TRDMT1: variants seen among roughly 807,000 people sequenced by gnomAD.
TRDMT1 encodes the protein tRNA (cytosine(38)-C(5))-methyltransferase.
In TRDMT1, 49 loss-of-function variants were observed where a neutral mutation model predicts 51.2. The ratio of observed to expected loss-of-function variants is 0.96; its 90% confidence interval spans 0.76 to 1.21. The LOEUF (loss-of-function observed/expected upper bound fraction) is 1.21. Among genes scored for constraint, TRDMT1 ranks in the 50% most tolerant of loss-of-function variants. The pLI is 0.00. For missense variants in TRDMT1, 534 were observed against 462.3 expected, an observed-to-expected ratio of 1.16 and a Z score of -1.42; for synonymous variants, 187 against 164.6, an observed-to-expected ratio of 1.14 and a Z score of -1.04.
At chr10:17,190,674 G>A (rs1252812504) in intron 1 of TRDMT1, among the ~76,000 whole-genome samples, 1 of 152,134 alleles carries the variant, frequency 6.6e-6, no homozygotes, top group Middle Eastern at 3.2e-3. Context: ...TCATGATTCA[G>A]ACTTAATACT....
At chr10:17,168,540 G>A (rs958260678) in intron 3 of TRDMT1, among the ~76,000 whole-genome samples, 2 of 152,126 alleles carry the variant, frequency 1.3e-5, no homozygotes, top group African/African-American at 2.4e-5. Context: ...GACGGACCCG[G>A]TGGGAGGTAA....
intron 1 of TRDMT1, among the ~76,000 whole-genome samples, chr10:17,178,157 C>A (rs1842844610): frequency 6.6e-6 from 1 of 152,046 alleles, no homozygotes; most frequent in Non-Finnish European, 1.5e-5. Flanking sequence ...CTGAATTACT[C>A]ATTATACTCA....
intron 1 of TRDMT1, among the ~76,000 whole-genome samples, chr10:17,191,740 G>A (rs1399283998): frequency 6.6e-6 from 1 of 152,144 alleles, no homozygotes; most frequent in Non-Finnish European, 1.5e-5. Flanking sequence ...TGCGGGAGGA[G>A]GGAGAGAGTG....
At chr10:17,170,306 A>G (rs887131894) in intron 2 of TRDMT1, among the ~76,000 whole-genome samples, 3 of 152,220 alleles carry the variant, frequency 2.0e-5, no homozygotes, top group African/African-American at 4.8e-5. Context: ...TTCTAGGTCA[A>G]TGAAAGTGTA....
intron 5 of TRDMT1, among the ~76,000 whole-genome samples, chr10:17,160,767 G>A (rs890225105): frequency 2.6e-5 from 4 of 152,066 alleles, no homozygotes; most frequent in African/African-American, 4.8e-5. Context: ...CACCGCGCCC[G>A]GCCCACAAAA....
Position 17,157,745 on chromosome 10 carries a change from G to C in TRDMT1, c.583C>G (p.Gln195Glu). The part of the protein sequence containing the change: ...EFPKIESVHP[Q>E]KYAMDVENKI... ...TTTTCTACATCCATTGCATATTTTT[G>C]TGGATGTACAGATTCAATTTTGGGG... The change falls in exon 8 of 11, where the codon CAA becomes GAA. Residue 195 changes from glutamine (Q) to glutamate (E), a missense_variant. By Grantham distance (29) the Gln-to-Glu change is conservative (BLOSUM62 2). Transcript: ENST00000377799. 6.2e-7 allele frequency: 1 copy of C among 1,607,628 alleles called. No individual in the cohort carries two copies. The highest frequency in any genetic ancestry group is 1.3e-5 in the African/African-American group (1 of 74,738).
At chr10:17,158,326 T>A (rs774509654) in intron 7 of TRDMT1, among the ~76,000 whole-genome samples, 3 of 152,144 alleles carry the variant, frequency 2.0e-5, no homozygotes, top group Non-Finnish European at 4.4e-5. Context: ...AGTCCTATTT[T>A]GTAAAAGGAA....
chr10:17,154,669 C>T lies in TRDMT1; in HGVS notation c.945+8G>A. On this transcript the variant is annotated splice_region_variant and intron_variant, in intron 9 of 10. Coordinates refer to ENST00000377799, the MANE Select transcript of TRDMT1 (RefSeq NM_004412.7). ...TAAAGTGTTTTAGCTTTAAAACATG[C>T]ATAGTACCTGCACATCCTCTGCAGT... 6.3e-7 allele frequency: 1 copy of T among 1,579,560 alleles called. No individual in the cohort carries two copies. Among genetic ancestry groups the T allele is most frequent in the Non-Finnish European group, 8.6e-7 (1 of 1,165,712 alleles).
chr10:17,138,134 C>T lies in TRDMT1; in HGVS notation c.*10906G>A, dbSNP rs1309349766. On this transcript the variant is annotated 3_prime_UTR_variant, in exon 11 of 11. Transcript: ENST00000377799. ...TGGACAAATTGGCAAGATTCTCACA[C>T]CCCTAATGCTAGCTCCCATTACATG... Among the ~76,000 whole-genome samples, 4 of 152,158 alleles carry T rather than the reference C, an allele frequency of 2.6e-5. No individual in the cohort carries two copies. Among genetic ancestry groups the T allele is most frequent in the Non-Finnish European group, 5.9e-5 (4 of 68,028 alleles).
intron 1 of TRDMT1, among the ~76,000 whole-genome samples, chr10:17,195,582 G>A (rs1428713851): frequency 6.6e-6 from 1 of 151,068 alleles, no homozygotes; most frequent in Non-Finnish European, 1.5e-5. Flanking sequence ...ACTTGCACAT[G>A]TACCCCTTGA....
intron 1 of TRDMT1, among the ~76,000 whole-genome samples, chr10:17,190,491 T>A (rs1379737213): frequency 6.6e-6 from 1 of 151,010 alleles, no homozygotes. Context: ...ACTGTTAGCA[T>A]ATGATTTAAA....
rs372392091 is a variant in TRDMT1, at chr10:17,143,832, G to C, written c.*5208C>G. 2.0e-6 allele frequency: 2 copies of C among 985,426 alleles called. No individual in the cohort carries two copies. Among genetic ancestry groups the C allele is most frequent in the Non-Finnish European group, 1.2e-6 (1 of 829,942 alleles). The allele number at this position is 985,426 out of a possible 1,614,324, so 61.0% of individuals were successfully genotyped here. A position where few individuals can be genotyped will look rare whatever the true frequency, so the allele number is the denominator to read the frequency against. ...ATGAAGCTTGAACTTGGAAGATGTGGAGACTAACCGTACCATAAATATTAA... is the reference window on the plus strand; with the variant it reads ...ATGAAGCTTGAACTTGGAAGATGTGCAGACTAACCGTACCATAAATATTAA... On this transcript the variant is annotated 3_prime_UTR_variant, in exon 11 of 11. Transcript: ENST00000377799.
rs1387911246 is a variant in TRDMT1, at chr10:17,140,690, A to G, written c.*8350T>C. Among the ~76,000 whole-genome samples the G allele has an allele frequency of 1.3e-5, 2 of 151,978 alleles. No individual in the cohort carries two copies. The highest frequency in any genetic ancestry group is 2.9e-5 in the Non-Finnish European group (2 of 68,018). ...GTGTTTTGAAAGAAAGAACATTTTA[A>G]ATGATAAAACTAATATTATGCCACA... On this transcript the variant is annotated 3_prime_UTR_variant, in exon 11 of 11. Transcript: ENST00000377799.
chr10:17,164,103 G>A (rs562482791), intron 3 of TRDMT1, among the ~76,000 whole-genome samples: 372 of 152,170 alleles, frequency 2.4e-3, no homozygotes, highest in Non-Finnish European at 3.4e-3. Flanking sequence ...GATGAACATC[G>A]ATGCAAAAAT....
intron 2 of TRDMT1, among the ~76,000 whole-genome samples, chr10:17,174,001 G>C (rs1245557262): frequency 6.6e-6 from 1 of 152,028 alleles, no homozygotes; most frequent in African/African-American, 2.4e-5. Flanking sequence ...ATAACTTCGT[G>C]ATCCACCTGT....
At chr10:17,174,861 A>C (rs1478400796) in intron 1 of TRDMT1, among the ~76,000 whole-genome samples, 1 of 152,224 alleles carries the variant, frequency 6.6e-6, no homozygotes, top group Admixed American at 6.5e-5. Flanking sequence ...TCATCTCTCT[A>C]AACAGCATTC....
chr10:17,151,842 A>C, intron 10 of TRDMT1: 1 of 928,158 alleles, frequency 1.1e-6, no homozygotes, highest in Non-Finnish European at 1.3e-6. Context: ...TAACTATCAC[A>C]ATAACTCTAT....
At position 17,144,407 on chromosome 10, in the gene TRDMT1, G is replaced by A; in HGVS notation, c.*4633C>T. 1.0e-6 allele frequency: 1 copy of A among 985,348 alleles called. No individual in the cohort carries two copies. The highest frequency in any genetic ancestry group is 1.2e-6 in the Non-Finnish European group (1 of 829,776). 61.0% of individuals were successfully genotyped at this position (985,348 alleles called of 1,614,324 possible). The stretch of plus-strand genomic sequence containing the variant: ...GGCTTATTCAGAAAAGAGTTCTATG[G>A]GAGAACTCAGTTCCTATCTTGTAAT... On this transcript the variant is annotated 3_prime_UTR_variant, in exon 11 of 11. Transcript: ENST00000377799.
chr10:17,162,346 G>C, intron 3 of TRDMT1, 109 bp from the exon 4 acceptor site: 1 of 1,017,102 alleles, frequency 9.8e-7, no homozygotes, highest in African/African-American at 1.6e-5. Context: ...ATAAAAATAA[G>C]TTGGTCCTCA....
Sources: gnomAD v4.1 joint callset for allele counts (sites outside exome capture counted in the v4.1 genomes callset) on GRCh38, gnomAD v4.1.1 for gene constraint, MANE v1.5 for transcripts, NCBI Gene and HGNC (gene_info 2026-07-23, HGNC 2026-07-21) for gene names.